Variants in SEPTIN2 observed in about 807,000 individuals in gnomAD.
The protein encoded by SEPTIN2 is septin 2, also known as septin-2.
A neutral mutation model predicts 46.5 loss-of-function variants in SEPTIN2; 34 were observed. The observed-to-expected ratio is 0.73, with a 90% CI of 0.56 to 0.97. SEPTIN2 has a LOEUF of 0.97. Ranked by LOEUF, SEPTIN2 falls within the 50% of genes least tolerant of loss-of-function variation. SEPTIN2 has a pLI of 0.00. For missense variants in SEPTIN2, 347 were observed against 448.4 expected (o/e 0.77, Z 2.04); for synonymous variants, 175 against 153.4 (o/e 1.14, Z -1.04).
At chr2:241,349,950 A>C in intron 11 of SEPTIN2, 123 bp from the exon 12 acceptor site, 1 of 847,796 alleles carries the variant, frequency 1.2e-6, no homozygotes, top group Non-Finnish European at 1.9e-6. Flanking sequence ...GTCTTTATGT[A>C]ATAACTCCTG....
rs1217522797 is a variant in SEPTIN2, at chr2:241,350,139, G to A, written c.1051G>A (p.Asp351Asn). 2 of 1,614,034 alleles carry A rather than the reference G, an allele frequency of 1.2e-6. No individual in the cohort carries two copies. The highest frequency in any genetic ancestry group is 2.2e-5 in the East Asian group (1 of 44,890). The change falls in exon 12 of 13, where the codon GAT becomes AAT. Residue 351 changes from aspartate (D) to asparagine (N), a missense_variant. Asp to Asn is a conservative substitution (Grantham distance 23, BLOSUM62 1). Transcript: ENST00000391971. ...GATGCAGATGCAGATGCAGGGCGGGGATGGCGATGGCGGGGCTCTCGGGCA... is the reference window on the plus strand; with the variant it reads ...GATGCAGATGCAGATGCAGGGCGGGAATGGCGATGGCGGGGCTCTCGGGCA... ...AQMQMQMQGGDGDGGALGHHV is the reference protein window; with the variant it reads ...AQMQMQMQGGNGDGGALGHHV
upstream of SEPTIN2, chr2:241,315,401 G>A (rs956870051): frequency 2.6e-5 from 4 of 152,116 alleles, no homozygotes; most frequent in East Asian, 5.8e-4. Context: ...TCTTCTTGGA[G>A]GACAGGAGGA....
chr2:241,351,044 G>A (rs2060744321), intron 12 of SEPTIN2, among the ~76,000 whole-genome samples: 1 of 152,228 alleles, frequency 6.6e-6, no homozygotes, highest in South Asian at 2.1e-4. Context: ...AGTTGGCCAA[G>A]ATCTGAGGAT....
chr2:241,348,074 G>T (rs199520320), intron 10 of SEPTIN2, 60 bp from the exon 11 acceptor site: 1 of 1,328,892 alleles, frequency 7.5e-7, no homozygotes. Flanking sequence ...GAATTTTTTG[G>T]GGGGGTAGCA....
chr2:241,342,982 A>T lies in SEPTIN2; in HGVS notation c.595-10A>T. ...TGCTAAAATTGATCCTGGTTTTGTC[A>T]TTCTCTCAGATTCTGGATGAAATTG... On this transcript the variant is annotated splice_polypyrimidine_tract_variant and intron_variant, in intron 7 of 12. Coordinates refer to ENST00000391971, the MANE Select transcript of SEPTIN2 (RefSeq NM_004404.5). The T allele has an allele frequency of 6.6e-7, 1 of 1,518,932 alleles. No homozygotes were observed. The highest frequency in any genetic ancestry group is 9.1e-7 in the Non-Finnish European group (1 of 1,098,840). 94.1% of individuals were successfully genotyped at this position (1,518,932 alleles called of 1,614,324 possible).
At chr2:241,339,919 C>G (rs1368918787) in intron 7 of SEPTIN2, among the ~76,000 whole-genome samples, 1 of 152,210 alleles carries the variant, frequency 6.6e-6, no homozygotes, top group African/African-American at 2.4e-5. Flanking sequence ...CAGGAATCTG[C>G]TTTGTTCACT....
rs527666590 is a variant in SEPTIN2 at position 241,338,419 on chromosome 2, G to A, written c.594+629G>A. 3.3e-5 allele frequency among the ~76,000 whole-genome samples: 5 copies of A among 150,914 alleles called. No homozygotes were observed. In the South Asian group the frequency reaches 6.3e-4, roughly 19 times the overall value. ...ATACAAATCCCTAACTGAACATACC[G>A]GTACGTGCATAAAAATACAAATCCC... On this transcript the variant is annotated intron_variant, in intron 7 of 12. Coordinates refer to ENST00000391971, the MANE Select transcript of SEPTIN2 (RefSeq NM_004404.5).
rs750323348 is a variant in SEPTIN2, at chr2:241,348,092, A to C, written c.927-42A>C. ...TTTTTTGGGGGGGTAGCAAATAACTATTTGTTGCAGTGTTATGATTCTGAT... is the reference window on the plus strand; with the variant it reads ...TTTTTTGGGGGGGTAGCAAATAACTCTTTGTTGCAGTGTTATGATTCTGAT... On this transcript the variant is annotated intron_variant, in intron 10 of 12. Transcript: ENST00000391971. 9 of 1,510,968 alleles carry C rather than the reference A, an allele frequency of 6.0e-6. No homozygotes were observed. The South Asian group carries it at 9.4e-5, about 16-fold the overall frequency. 93.6% of individuals were successfully genotyped at this position (1,510,968 alleles called of 1,614,324 possible).
At chr2:241,342,853 T>C in intron 7 of SEPTIN2, 139 bp from the exon 8 acceptor site, 1 of 597,278 alleles carries the variant, frequency 1.7e-6, no homozygotes, top group Non-Finnish European at 3.0e-6. Flanking sequence ...TATAAATTTA[T>C]TTGACAGTAA....
intron 1 of SEPTIN2, chr2:241,317,524 A>T (rs903082066): frequency 9.1e-6 from 9 of 983,670 alleles, no homozygotes; most frequent in East Asian, 1.1e-4. Context: ...GTAAAAGAAG[A>T]AGTTGTGGGT....
chr2:241,324,226 A>G lies in SEPTIN2; in HGVS notation c.-7A>G. 1 of 1,611,300 alleles carries G rather than the reference A, an allele frequency of 6.2e-7. No individual in the cohort carries two copies. Among genetic ancestry groups the G allele is most frequent in the Non-Finnish European group, 8.5e-7 (1 of 1,179,200 alleles). ...TTTTTTTTTTAACAGACGAAGCTTC[A>G]CAAAAGATGTCTAAGGTAAGATCAT... On this transcript the variant is annotated 5_prime_UTR_variant, in exon 2 of 13. Coordinates refer to ENST00000391971, the MANE Select transcript of SEPTIN2 (RefSeq NM_004404.5).
At chr2:241,323,847 A>G (rs1019937593) in intron 1 of SEPTIN2, among the ~76,000 whole-genome samples, 2 of 152,212 alleles carry the variant, frequency 1.3e-5, no homozygotes, top group African/African-American at 4.8e-5. Flanking sequence ...TTGATTGGCT[A>G]CTATTGATTA....
At position 241,326,248 on chromosome 2, in the gene SEPTIN2, A is replaced by G. The variant is rs144635808; in HGVS notation, c.130+135A>G. On this transcript the variant is annotated intron_variant, in intron 3 of 12. Transcript: ENST00000391971. Reference sequence around the variant, plus strand: ...AAATAACTTGAGAATTTGAACAAATATATGTGTATTCATTAGAAAATTTTT... The same window carrying G: ...AAATAACTTGAGAATTTGAACAAATGTATGTGTATTCATTAGAAAATTTTT... 361 of 739,322 alleles carry G rather than the reference A, an allele frequency of 4.9e-4. 2 individuals carry two copies. In the East Asian group the frequency reaches 9.1e-3, roughly 19 times the overall value. 45.8% of individuals were successfully genotyped at this position (739,322 alleles called of 1,614,324 possible).
chr2:241,316,566 G>T (rs1274534844), intron 1 of SEPTIN2: 19 of 1,509,754 alleles, frequency 1.3e-5, no homozygotes, highest in Non-Finnish European at 1.7e-5. Context: ...GCACGGACAG[G>T]CAGCAGGGGG....
chr2:241,338,799 A>G (rs1379311085), intron 7 of SEPTIN2, among the ~76,000 whole-genome samples: 1 of 108,076 alleles, frequency 9.3e-6, no homozygotes, highest in Non-Finnish European at 1.7e-5. Flanking sequence ...TTTATATATA[A>G]TACATATTAT....
At chr2:241,331,586 T>G (rs374772224) in intron 3 of SEPTIN2, among the ~76,000 whole-genome samples, 1 of 152,206 alleles carries the variant, frequency 6.6e-6, no homozygotes, top group South Asian at 2.1e-4. Flanking sequence ...AAATGGCATT[T>G]TGTCATATTG....
In SEPTIN2 at chr2:241,326,112, C is replaced by A. The variant is rs779757638; in HGVS notation, c.129C>A (p.Val43=). The A allele has an allele frequency of 1.2e-6, 2 of 1,610,330 alleles. No homozygotes were observed. The highest frequency in any genetic ancestry group is 1.1e-5 in the South Asian group (1 of 90,328). Reference sequence around the variant, plus strand: ...GTTTTGAGTTCACACTGATGGTGGTCGGTAAGAAATTAATCTATAGTCTCC... The same window carrying A: ...GTTTTGAGTTCACACTGATGGTGGTAGGTAAGAAATTAATCTATAGTCTCC... ...KKGFEFTLMV[V]GESGLGKSTL... Residue 43 remains valine, a splice_region_variant and synonymous_variant, in exon 3 of 13, where the codon GTC becomes GTA. Transcript: ENST00000391971.
At chr2:241,334,986 CAT>C (rs2079687912) in intron 3 of SEPTIN2, 138 bp from the exon 4 acceptor site, 5 of 614,296 alleles carry the variant, frequency 8.1e-6, no homozygotes, top group Non-Finnish European at 1.4e-5. Flanking sequence ...ATACTGCAAA[CAT>C]AGTAGTACTG....
intron 3 of SEPTIN2, 69 bp downstream of exon 3, chr2:241,326,182 A>G (rs1456196770): frequency 1.4e-6 from 2 of 1,454,970 alleles, no homozygotes; most frequent in Non-Finnish European, 1.9e-6. Context: ...CTGGAGTATG[A>G]TAACGTGACC....
Sources: allele counts gnomAD v4.1 joint callset (sites outside exome capture counted in the v4.1 genomes callset), GRCh38; gene constraint gnomAD v4.1.1; transcripts MANE v1.5; gene names NCBI Gene and HGNC (gene_info 2026-07-23, HGNC 2026-07-21).